Variants in MGAT4C observed in about 807,000 individuals in gnomAD.
The protein encoded by MGAT4C is MGAT4 family member C, also known as alpha-1,3-mannosyl-glycoprotein 4-beta-N-acetylglucosaminyltransferase C.
A neutral mutation model predicts 40.1 loss-of-function variants in MGAT4C; 19 were observed. The ratio of observed to expected loss-of-function variants is 0.47; its 90% CI spans 0.33 to 0.70. The LOEUF is 0.70. Among genes scored for constraint, MGAT4C ranks in the 30% least tolerant of loss-of-function variants. The pLI is 0.02. For missense variants in MGAT4C, 491 were observed against 563.2 expected (o/e 0.87, Z 1.30); for synonymous variants, 181 against 187.1 (o/e 0.97, Z 0.27).
At chr12:86,683,115 C>T (rs546580840) in intron 2 of MGAT4C, among the ~76,000 whole-genome samples, 1 of 152,170 alleles carries the variant, frequency 6.6e-6, no homozygotes, top group Non-Finnish European at 1.5e-5. Context: ...TTAGGAGAAA[C>T]ATATGATATC....
chr12:86,547,245 C>T (rs1319768095), intron 2 of MGAT4C, among the ~76,000 whole-genome samples: 2 of 151,920 alleles, frequency 1.3e-5, no homozygotes, highest in African/African-American at 2.4e-5. Context: ...CAAAGTGAAG[C>T]TTGTTTTTCT....
intron 2 of MGAT4C, among the ~76,000 whole-genome samples, chr12:86,699,499 GAGTTA>G (rs1337496054): frequency 2.0e-5 from 3 of 152,066 alleles, no homozygotes; most frequent in Admixed American, 6.6e-5. Flanking sequence ...GACCAGAACA[GAGTTA>G]AGTTTAGATT....
intron 2 of MGAT4C, among the ~76,000 whole-genome samples, chr12:86,721,710 G>T (rs1277408847): frequency 6.6e-6 from 1 of 152,030 alleles, no homozygotes; most frequent in African/African-American, 2.4e-5. Flanking sequence ...TTGCAGAATT[G>T]GGACTGTTTT....
chr12:86,666,488 T>C, intron 2 of MGAT4C, among the ~76,000 whole-genome samples: 1 of 152,192 alleles, frequency 6.6e-6, no homozygotes, highest in Non-Finnish European at 1.5e-5. Context: ...ACTTGCTCTT[T>C]TGAAAAAAAA....
At chr12:86,280,782 C>T (rs1194931878) in intron 4 of MGAT4C, among the ~76,000 whole-genome samples, 1 of 151,558 alleles carries the variant, frequency 6.6e-6, no homozygotes, top group African/African-American at 2.4e-5. Context: ...ATGAATTTCA[C>T]TTTTGCTGAC....
At chr12:86,121,511 C>T (rs1277129326) in intron 1 of MGAT4C, among the ~76,000 whole-genome samples, 1 of 152,102 alleles carries the variant, frequency 6.6e-6, no homozygotes, top group African/African-American at 2.4e-5. Flanking sequence ...GTCAGGTTAC[C>T]CACAAAACGA....
intron 3 of MGAT4C, among the ~76,000 whole-genome samples, chr12:86,426,775 G>A (rs370372470): frequency 8.4e-4 from 128 of 152,144 alleles, no homozygotes; most frequent in Non-Finnish European, 1.6e-3. Flanking sequence ...GTGAAACCCC[G>A]TCTCTACTAA....
At chr12:86,641,299 C>T (rs1042263308) in intron 2 of MGAT4C, among the ~76,000 whole-genome samples, 4 of 150,666 alleles carry the variant, frequency 2.7e-5, no homozygotes, top group African/African-American at 9.8e-5. Context: ...TATTCTCACT[C>T]ATAGGTGGGA....
At position 86,503,041 on chromosome 12, in the gene MGAT4C, CATATATATATATATGAGTTCTGCTCAT is replaced by C. The variant is rs1958390421; in HGVS notation, c.-228-67803_-228-67777del. Among the ~76,000 whole-genome samples, 4 of 5,934 alleles carry C rather than the reference CATATATATATATATGAGTTCTGCTCAT, an allele frequency of 6.7e-4. 1 individual carries two copies. The highest frequency in any genetic ancestry group is 1.0e-3 in the Non-Finnish European group (4 of 3,982). 3.9% of individuals were successfully genotyped at this position (5,934 alleles called of 152,430 possible). A position where few individuals can be genotyped will look rare whatever the true frequency, so the allele number is the denominator to read the frequency against. ...CTCATATATATATATGAGTTCTGCT[CATATATATATATATGAGTTCTGCTCAT>C]ATATATATATATATGAGTTCTGCTC... On this transcript the variant is annotated intron_variant, in intron 2 of 7. Coordinates refer to the MGAT4C transcript ENST00000548651.
chr12:86,693,308 C>T (rs544672912), intron 2 of MGAT4C, among the ~76,000 whole-genome samples: 31 of 152,254 alleles, frequency 2.0e-4, no homozygotes, highest in South Asian at 1.0e-3. Context: ...AACTTGATAA[C>T]GGCAAGGAAT....
chr12:86,264,639 A>T (rs943646627), intron 4 of MGAT4C, among the ~76,000 whole-genome samples: 1 of 152,180 alleles, frequency 6.6e-6, no homozygotes, highest in Admixed American at 6.5e-5. Flanking sequence ...CTTGGGGGCC[A>T]GGGACAGGCA....
rs565457982 is a variant in MGAT4C, at chr12:86,559,597, A to G, written c.-228-124332T>C. Among the ~76,000 whole-genome samples the G allele has an allele frequency of 9.2e-5, 14 of 152,024 alleles. No individual in the cohort carries two copies. In the South Asian group the frequency reaches 2.5e-3, roughly 27 times the overall value. On this transcript the variant is annotated intron_variant, in intron 2 of 7. Transcript: ENST00000548651. ...AATTAAGATGAAAAACCAAAACCAA[A>G]ACAAATAAAAAATGAAAACACAGCA...
intron 1 of MGAT4C, among the ~76,000 whole-genome samples, chr12:86,139,728 A>G (rs1440823547): frequency 3.3e-5 from 5 of 152,192 alleles, no homozygotes; most frequent in Non-Finnish European, 7.4e-5. Context: ...AAATAAGAAT[A>G]GAAAAAAAAC....
chr12:86,337,083 T>C (rs1954805681), intron 3 of MGAT4C, among the ~76,000 whole-genome samples: 1 of 152,076 alleles, frequency 6.6e-6, no homozygotes, highest in Non-Finnish European at 1.5e-5. Context: ...ACCTAAAATA[T>C]TAACTTAAGT....
chr12:86,568,568 C>A (rs1051792936), intron 2 of MGAT4C, among the ~76,000 whole-genome samples: 163 of 72,862 alleles, frequency 2.2e-3, no homozygotes, highest in South Asian at 6.3e-3. Context: ...ATATATATAT[C>A]CTGTTAGTTC....
intron 2 of MGAT4C, among the ~76,000 whole-genome samples, chr12:86,710,324 T>C (rs1412319172): frequency 1.3e-5 from 2 of 152,200 alleles, no homozygotes; most frequent in East Asian, 3.9e-4. Flanking sequence ...AAGCAATTTC[T>C]TTAAAGTTAT....
At chr12:86,157,759 C>T (rs940633890) in intron 1 of MGAT4C, among the ~76,000 whole-genome samples, 6 of 152,016 alleles carry the variant, frequency 3.9e-5, no homozygotes, top group African/African-American at 1.2e-4. Context: ...GAAGGACGTG[C>T]CACACTTTTA....
intron 1 of MGAT4C, among the ~76,000 whole-genome samples, chr12:86,138,893 A>C (rs867072694): frequency 2.6e-4 from 39 of 152,066 alleles, no homozygotes; most frequent in Middle Eastern, 6.8e-3. Context: ...CCTTGTATCA[A>C]GAGGGGTGGA....
intron 2 of MGAT4C, among the ~76,000 whole-genome samples, chr12:86,657,258 A>G (rs1288903331): frequency 6.6e-6 from 1 of 151,974 alleles, no homozygotes; most frequent in Admixed American, 6.6e-5. Flanking sequence ...GAGTGAAAAC[A>G]ATGTAAGTGG....
Sources: gnomAD v4.1 joint callset for allele counts (sites outside exome capture counted in the v4.1 genomes callset) on GRCh38, gnomAD v4.1.1 for gene constraint, MANE v1.5 for transcripts, NCBI Gene and HGNC (gene_info 2026-07-23, HGNC 2026-07-21) for gene names.